The following TBC1D10A variants were observed in gnomAD, a reference collection of about 807,000 sequenced individuals.
TBC1D10A encodes TBC1 domain family member 10A, also known as EBP50-PDX interactor of 64 kDa.
In TBC1D10A, 24 loss-of-function variants were observed where a neutral mutation model predicts 52.9. That is an observed-to-expected ratio of 0.45 (90% CI 0.33 to 0.64). The LOEUF (loss-of-function observed/expected upper bound fraction) is 0.64. Ranked by LOEUF, TBC1D10A falls within the 30% of genes least tolerant of loss-of-function variation. The pLI, the probability that TBC1D10A is intolerant of heterozygous loss-of-function variation, is 0.02. For synonymous variants in TBC1D10A, 278 were observed against 282.9 expected (o/e 0.98, Z 0.17); for missense variants, 602 against 687.9 (o/e 0.88, Z 1.40).
intron 2 of TBC1D10A, among the ~76,000 whole-genome samples, chr22:30,301,974 A>G (rs558637664): frequency 6.6e-6 from 1 of 152,348 alleles, no homozygotes; most frequent in South Asian, 2.1e-4. Flanking sequence ...CTTTAGCCCA[A>G]AGCCACAGGC....
intron 1 of TBC1D10A, among the ~76,000 whole-genome samples, chr22:30,321,214 C>A (rs763166056): frequency 1.3e-5 from 2 of 152,198 alleles, no homozygotes; most frequent in Non-Finnish European, 2.9e-5. Context: ...CCGGATATTC[C>A]TTCGAGGCTA....
Position 30,292,242 on chromosome 22 carries a change from G to T in TBC1D10A, c.*133C>A. 2.7e-6 allele frequency: 2 copies of T among 754,370 alleles called. No homozygotes were observed. The highest frequency in any genetic ancestry group is 4.2e-6 in the Non-Finnish European group (2 of 476,012). 46.7% of individuals were successfully genotyped at this position (754,370 alleles called of 1,614,324 possible). A position where few individuals can be genotyped will look rare whatever the true frequency, so the allele number is the denominator to read the frequency against. ...TGTTGGACCAGGCAGAATCTGTGTT[G>T]GACCAGCCAGACTCCAGCCCAGCCC... On this transcript the variant is annotated 3_prime_UTR_variant, in exon 9 of 9. Transcript: ENST00000215790.
chr22:30,304,173 T>C (rs2145771664), intron 2 of TBC1D10A, among the ~76,000 whole-genome samples: 1 of 152,320 alleles, frequency 6.6e-6, no homozygotes, highest in South Asian at 2.1e-4. Flanking sequence ...AAGCAAATGT[T>C]CCATACACGC....
At position 30,292,256 on chromosome 22, in the gene TBC1D10A, C is replaced by T. The variant is rs912749180; in HGVS notation, c.*119G>A. The stretch of plus-strand genomic sequence containing the variant: ...GAATCTGTGTTGGACCAGCCAGACT[C>T]CAGCCCAGCCCAGTGGCCAGGCAGC... On this transcript the variant is annotated 3_prime_UTR_variant, in exon 9 of 9. Transcript: ENST00000215790. 2.3e-6 allele frequency: 2 copies of T among 887,948 alleles called. No homozygotes were observed. The highest frequency in any genetic ancestry group is 2.7e-5 in the East Asian group (1 of 37,650). The allele number at this position is 887,948 out of a possible 1,614,324, so 55.0% of individuals were successfully genotyped here.
intron 1 of TBC1D10A, among the ~76,000 whole-genome samples, chr22:30,320,402 C>T (rs551912681): frequency 8.5e-5 from 13 of 152,204 alleles, no homozygotes; most frequent in African/African-American, 2.6e-4. Context: ...GGTGTGGGGA[C>T]CTCAGGGACC....
chr22:30,326,167 G>A (rs1930767104), intron 1 of TBC1D10A, among the ~76,000 whole-genome samples: 1 of 149,626 alleles, frequency 6.7e-6, no homozygotes, highest in South Asian at 2.1e-4. Flanking sequence ...GGGCGGGGCA[G>A]TCAGTCCTGA....
chr22:30,320,306 G>A (rs1930626114), intron 1 of TBC1D10A, among the ~76,000 whole-genome samples: 2 of 151,998 alleles, frequency 1.3e-5, no homozygotes, highest in Non-Finnish European at 2.9e-5. Context: ...CTGCTTGATG[G>A]CCATGACCTT....
intron 6 of TBC1D10A, 61 bp downstream of exon 6, chr22:30,294,735 G>C: frequency 6.2e-7 from 1 of 1,607,762 alleles, no homozygotes. Flanking sequence ...TGAGAGAAGG[G>C]CCTGGAGGGG....
rs776286710 is a variant in TBC1D10A at position 30,294,799 on chromosome 22, T to C, written c.702A>G (p.Lys234=). The change falls in exon 6 of 9, where the codon AAA becomes AAG. Residue 234 remains lysine, a synonymous_variant. Coordinates refer to ENST00000215790, the MANE Select transcript of TBC1D10A (RefSeq NM_031937.3). ...TCCCAGGCCAGGCGACACTCACCAGTTTCTCGCTGTAGTAGCCGGGCAGGT... is the reference window on the plus strand; with the variant it reads ...TCCCAGGCCAGGCGACACTCACCAGCTTCTCGCTGTAGTAGCCGGGCAGGT... ...EKYLPGYYSE[K]LEAIQLDGEI... 1 of 1,614,074 alleles carries C rather than the reference T, an allele frequency of 6.2e-7. No homozygotes were observed. The highest frequency in any genetic ancestry group is 1.7e-5 in the Admixed American group (1 of 60,022).
chr22:30,323,049 C>T (rs1159951995), intron 1 of TBC1D10A, among the ~76,000 whole-genome samples: 1 of 151,508 alleles, frequency 6.6e-6, no homozygotes, highest in Non-Finnish European at 1.5e-5. Context: ...ATTACAGGTG[C>T]CCACCACAAT....
intron 1 of TBC1D10A, among the ~76,000 whole-genome samples, chr22:30,319,372 T>C (rs1486411599): frequency 6.6e-6 from 1 of 152,210 alleles, no homozygotes; most frequent in Non-Finnish European, 1.5e-5. Context: ...TCTTGTTCAG[T>C]TCTATATCTC....
intron 6 of TBC1D10A, 69 bp downstream of exon 6, chr22:30,294,727 A>G: frequency 6.2e-7 from 1 of 1,603,386 alleles, no homozygotes. Context: ...AGTTACTATG[A>G]GAGAAGGGCC....
At chr22:30,326,008 C>T (rs1177814732) in intron 1 of TBC1D10A, among the ~76,000 whole-genome samples, 1 of 151,940 alleles carries the variant, frequency 6.6e-6, no homozygotes, top group African/African-American at 2.4e-5. Flanking sequence ...TGTGTATGAG[C>T]GGATAGGGGG....
intron 2 of TBC1D10A, among the ~76,000 whole-genome samples, chr22:30,303,807 C>A (rs1451768775): frequency 6.6e-6 from 1 of 152,180 alleles, no homozygotes; most frequent in African/African-American, 2.4e-5. Flanking sequence ...CCAAGGATAT[C>A]AACACACACA....
In TBC1D10A at chr22:30,326,768, G is replaced by C. The variant is rs769083601; in HGVS notation, c.114C>G (p.Leu38=). 66 of 1,513,624 alleles carry C rather than the reference G, an allele frequency of 4.4e-5. No homozygotes were observed. The East Asian group carries it at 5.9e-4, about 14-fold the overall frequency. The allele number at this position is 1,513,624 out of a possible 1,614,324, so 93.8% of individuals were successfully genotyped here. A position where few individuals can be genotyped will look rare whatever the true frequency, so the allele number is the denominator to read the frequency against. The change falls in exon 1 of 9, where the codon CTC becomes CTG. Residue 38 remains leucine (L), a synonymous_variant. Coordinates refer to ENST00000215790, the MANE Select transcript of TBC1D10A (RefSeq NM_031937.3). The part of the protein sequence containing the change: ...QGPDAATTDE[L]SSLGSDSEAN... ...CCTCCGAGTCAGACCCGAGAGAGCTGAGTTCGTCGGTGGTTGCGGCGTCGG... is the reference window on the plus strand; with the variant it reads ...CCTCCGAGTCAGACCCGAGAGAGCTCAGTTCGTCGGTGGTTGCGGCGTCGG...
At chr22:30,295,171 G>A in intron 4 of TBC1D10A, 116 bp from the exon 5 acceptor site, 1 of 991,226 alleles carries the variant, frequency 1.0e-6, no homozygotes, top group Non-Finnish European at 1.5e-6. Flanking sequence ...TGAGAGGGAA[G>A]GTGATCTGCT....
chr22:30,293,221 G>A, intron 8 of TBC1D10A: 1 of 626,228 alleles, frequency 1.6e-6, no homozygotes, highest in South Asian at 1.5e-5. Context: ...CTCCACCTGG[G>A]TGGGTGACTT....
At chr22:30,321,031 C>A (rs141121200) in intron 1 of TBC1D10A, among the ~76,000 whole-genome samples, 92 of 152,314 alleles carry the variant, frequency 6.0e-4, no homozygotes, top group African/African-American at 2.1e-3. Flanking sequence ...GGCCCAGATG[C>A]TGGTAGGACA....
chr22:30,298,439 A>G (rs13058399), intron 3 of TBC1D10A: 13,438 of 152,482 alleles, frequency 0.088, 793 homozygotes, highest in Middle Eastern at 0.15. Context: ...GCCAGCAAAA[A>G]GCTCTCGCCC....
Sources: gnomAD v4.1 joint callset for allele counts (sites outside exome capture counted in the v4.1 genomes callset) on GRCh38, gnomAD v4.1.1 for gene constraint, MANE v1.5 for transcripts, NCBI Gene and HGNC (gene_info 2026-07-23, HGNC 2026-07-21) for gene names.